Variants in IQGAP2 observed in about 807,000 individuals in gnomAD.
The protein encoded by IQGAP2 is ras GTPase-activating-like protein IQGAP2.
A neutral mutation model predicts 201.3 loss-of-function variants in IQGAP2; 173 were observed. The ratio of observed to expected loss-of-function variants is 0.86; its 90% CI spans 0.76 to 0.98. The LOEUF (loss-of-function observed/expected upper bound fraction) is 0.98, where lower values mean the gene tolerates loss of function less well. IQGAP2 is among the 50% of genes least tolerant of loss of function. IQGAP2 has a pLI of 0.00. For synonymous variants in IQGAP2, 675 were observed against 673.9 expected, an observed-to-expected ratio of 1.00 and a Z score of -0.03; for missense variants, 1,687 against 1,864.8, an observed-to-expected ratio of 0.90 and a Z score of 1.76.
Position 76,627,451 on chromosome 5 carries a change from A to G in IQGAP2, c.1563A>G (p.Ile521Met), listed in dbSNP as rs754896825. Reference protein sequence around the residue: ...SVSKVLWLDEIQQAVDDANVD... With the variant: ...SVSKVLWLDEMQQAVDDANVD... The stretch of plus-strand genomic sequence containing the variant: ...CCAAAGTGCTTTGGCTGGATGAGAT[A>G]CAGCAAGCCGTCGATGATGCCAACG... The change falls in exon 14 of 36, where the codon ATA (isoleucine) becomes ATG (methionine). Residue 521 changes from isoleucine to methionine, a missense_variant. Ile to Met is a conservative substitution (Grantham distance 10). Coordinates refer to ENST00000274364, the MANE Select transcript of IQGAP2 (RefSeq NM_006633.5). The G allele has an allele frequency of 3.7e-6, 6 of 1,604,026 alleles. No homozygotes were observed.
chr5:76,679,446 C>T (rs1037397751), intron 28 of IQGAP2, among the ~76,000 whole-genome samples: 18 of 152,296 alleles, frequency 1.2e-4, no homozygotes, highest in African/African-American at 4.1e-4. Flanking sequence ...TACTGTCTGC[C>T]TTCTGTGTGG....
chr5:76,617,067 C>G (rs1471584415), intron 13 of IQGAP2: 1 of 153,316 alleles, frequency 6.5e-6, no homozygotes, highest in African/African-American at 2.4e-5. Context: ...AGCAATAAGG[C>G]AAATGGAAAT....
chr5:76,606,634 C>T (rs1293673295), intron 12 of IQGAP2: 3 of 161,066 alleles, frequency 1.9e-5, no homozygotes. Context: ...TTTATTTTGA[C>T]CTTTTATTTG....
At chr5:76,624,987 T>C (rs1308126130) in intron 13 of IQGAP2, among the ~76,000 whole-genome samples, 1 of 152,178 alleles carries the variant, frequency 6.6e-6, no homozygotes. Flanking sequence ...GGCAGGAGAA[T>C]AGCTTGACCC....
intron 27 of IQGAP2, among the ~76,000 whole-genome samples, chr5:76,676,123 A>ACACACAC (rs1744795822): frequency 6.7e-6 from 1 of 150,146 alleles, no homozygotes; most frequent in Non-Finnish European, 1.5e-5. Context: ...ACACACACAC[A>ACACACAC]AAGTAATATC....
chr5:76,685,908 A>T (rs1335685433), intron 30 of IQGAP2, among the ~76,000 whole-genome samples: 1 of 152,164 alleles, frequency 6.6e-6, no homozygotes, highest in Non-Finnish European at 1.5e-5. Flanking sequence ...TGAACCCTGT[A>T]CCCATTAAGT....
intron 3 of IQGAP2, among the ~76,000 whole-genome samples, chr5:76,563,303 G>A (rs774689302): frequency 3.3e-5 from 5 of 151,864 alleles, no homozygotes; most frequent in Non-Finnish European, 5.9e-5. Context: ...GAAGGAGGAG[G>A]GAGAAGAAAA....
At chr5:76,545,696 C>G (rs1397068829) in intron 2 of IQGAP2, among the ~76,000 whole-genome samples, 1 of 152,102 alleles carries the variant, frequency 6.6e-6, no homozygotes, top group Non-Finnish European at 1.5e-5. Flanking sequence ...TGCTATCTGT[C>G]TTTGTAGGGC....
intron 2 of IQGAP2, among the ~76,000 whole-genome samples, chr5:76,556,873 C>T (rs1743987741): frequency 6.6e-6 from 1 of 152,144 alleles, no homozygotes; most frequent in Non-Finnish European, 1.5e-5. Context: ...TTTGAATAGG[C>T]TCTAAGTTTC....
At chr5:76,602,145 G>T (rs1427140652) in intron 11 of IQGAP2, among the ~76,000 whole-genome samples, 1 of 152,150 alleles carries the variant, frequency 6.6e-6, no homozygotes, top group Non-Finnish European at 1.5e-5. Context: ...CCATTTCCCT[G>T]CAACCACCCT....
chr5:76,439,320 T>G (rs1417900456), intron 1 of IQGAP2, among the ~76,000 whole-genome samples: 2 of 152,246 alleles, frequency 1.3e-5, no homozygotes, highest in Non-Finnish European at 2.9e-5. Flanking sequence ...ATTCTGCAGT[T>G]CTTGGGTAGA....
rs1186396257 is a variant in IQGAP2, at chr5:76,404,588, G to A, written c.46+997G>A. 5 of 713,438 alleles carry A rather than the reference G, an allele frequency of 7.0e-6. No homozygotes were observed. In the East Asian group the frequency reaches 5.4e-4, roughly 77 times the overall value. The allele number at this position is 713,438 out of a possible 1,614,324, so 44.2% of individuals were successfully genotyped here. A position where few individuals can be genotyped will look rare whatever the true frequency, so the allele number is the denominator to read the frequency against. On this transcript the variant is annotated intron_variant, in intron 1 of 35. Coordinates refer to ENST00000274364, the MANE Select transcript of IQGAP2 (RefSeq NM_006633.5). ...TCAGCAGGGTGTTTTGTTTGTGTGTGTGTGTGGTTTTGGATGGTGCGTAAG... is the reference window on the plus strand; with the variant it reads ...TCAGCAGGGTGTTTTGTTTGTGTGTATGTGTGGTTTTGGATGGTGCGTAAG...
chr5:76,556,063 G>A (rs1743922901), intron 2 of IQGAP2, among the ~76,000 whole-genome samples: 1 of 152,162 alleles, frequency 6.6e-6, no homozygotes, highest in Non-Finnish European at 1.5e-5. Flanking sequence ...GGAGCAGAAG[G>A]TTAATAGGTA....
intron 28 of IQGAP2, among the ~76,000 whole-genome samples, chr5:76,680,864 G>A (rs372871473): frequency 2.4e-3 from 356 of 151,308 alleles, no homozygotes; most frequent in African/African-American, 8.1e-3. Context: ...CAGCATGTTG[G>A]GAGGCTGAAG....
At chr5:76,404,365 C>A in intron 1 of IQGAP2, 1 of 648,050 alleles carries the variant, frequency 1.5e-6, no homozygotes, top group Non-Finnish European at 1.9e-6. Context: ...TAACACCAAC[C>A]ACGTGGCTTC....
intron 11 of IQGAP2, among the ~76,000 whole-genome samples, chr5:76,604,986 A>G (rs1171547944): frequency 6.6e-6 from 1 of 152,216 alleles, no homozygotes; most frequent in African/African-American, 2.4e-5. Context: ...CTCTGCCATT[A>G]CTAGATCCCT....
At chr5:76,435,049 CT>C (rs1554055477) in intron 1 of IQGAP2, among the ~76,000 whole-genome samples, 11 of 139,202 alleles carry the variant, frequency 7.9e-5, no homozygotes, top group South Asian at 2.2e-4. Flanking sequence ...TGATGGGATT[CT>C]TTTTTTTTTC....
chr5:76,671,138 G>A (rs562019531), intron 23 of IQGAP2, among the ~76,000 whole-genome samples: 1 of 152,194 alleles, frequency 6.6e-6, no homozygotes, highest in South Asian at 2.1e-4. Context: ...GCATGTGCCT[G>A]TAATCCGAGC....
chr5:76,406,830 A>G (rs896024427), intron 1 of IQGAP2, among the ~76,000 whole-genome samples: 1 of 143,546 alleles, frequency 7.0e-6, no homozygotes, highest in Non-Finnish European at 1.6e-5. Flanking sequence ...TTTCTACACT[A>G]CAAGATTCAG....
Sources: allele counts gnomAD v4.1 joint callset (sites outside exome capture counted in the v4.1 genomes callset), GRCh38; gene constraint gnomAD v4.1.1; transcripts MANE v1.5; gene names NCBI Gene and HGNC (gene_info 2026-07-23, HGNC 2026-07-21).